The following SLC25A14 variants were observed in gnomAD, a reference collection of about 807,000 sequenced individuals.
The protein encoded by SLC25A14 is solute carrier family 25 member 14.
SLC25A14 carries 8 observed loss-of-function variants against 28.1 expected under a neutral mutation model. The ratio of observed to expected loss-of-function variants is 0.28; its 90% CI spans 0.17 to 0.51. SLC25A14 has a LOEUF of 0.51. Among genes scored for constraint, SLC25A14 ranks in the 20% least tolerant of loss-of-function variants. The pLI, the probability that SLC25A14 is intolerant of heterozygous loss-of-function variation, is 0.97. For missense variants in SLC25A14, 135 were observed against 263.8 expected, an observed-to-expected ratio of 0.51 and a Z score of 3.38; for synonymous variants, 74 against 90.6, an observed-to-expected ratio of 0.82 and a Z score of 1.04.
intron 9 of SLC25A14, among the ~76,000 whole-genome samples, chrX:130,369,203 G>C (rs1208818283): frequency 5.4e-5 from 6 of 111,081 alleles, no homozygotes; most frequent in Non-Finnish European, 1.1e-4. Flanking sequence ...AGGATCGCTT[G>C]AGCCAGAGTT....
Position 130,373,036 on chromosome X carries a change from G to GT in SLC25A14, c.*87dup. On this transcript the variant is annotated 3_prime_UTR_variant, in exon 11 of 11. Coordinates refer to ENST00000545805, the MANE Select transcript of SLC25A14 (RefSeq NM_001282195.2). ...TGTTCTAATGTATTTTGACAATGTTGTAAGTGTTTACCAAGCCGTTGGTCT... is the reference window on the plus strand; with the variant it reads ...TGTTCTAATGTATTTTGACAATGTTGTTAAGTGTTTACCAAGCCGTTGGTCT... The GT allele has an allele frequency of 1.3e-6, 1 of 756,843 alleles. No homozygotes were observed. Among genetic ancestry groups the GT allele is most frequent in the Non-Finnish European group, 2.0e-6 (1 of 507,800 alleles). 62.4% of individuals were successfully genotyped at this position (756,843 alleles called of 1,213,427 possible). A position where few individuals can be genotyped will look rare whatever the true frequency, so the allele number is the denominator to read the frequency against.
chrX:130,371,423 G>A, intron 9 of SLC25A14, 141 bp from the exon 10 acceptor site: 1 of 445,279 alleles, frequency 2.2e-6, no homozygotes, highest in Non-Finnish European at 4.0e-6. Flanking sequence ...GATGGATTTA[G>A]ACTACAGATG....
At position 130,349,277 on chromosome X, in the gene SLC25A14, C is replaced by T. The variant is rs1293806308; in HGVS notation, c.344C>T (p.Ala115Val). The change falls in exon 5 of 11, where the codon GCA (alanine) becomes GTA (valine). Residue 115 changes from alanine to valine, a missense_variant. Ala to Val is a moderately conservative substitution (Grantham distance 64). Transcript: ENST00000545805. ...ATTGCTCCTGCGTTGCTAAGACAAG[C>T]ATCATATGGCACCATTAAAATTGGG... ...SGIAPALLRQ[A>V]SYGTIKIGIY... The T allele has an allele frequency of 8.4e-7, 1 of 1,191,183 alleles. No individual in the cohort carries two copies. Among genetic ancestry groups the T allele is most frequent in the Non-Finnish European group, 1.1e-6 (1 of 882,968 alleles).
At chrX:130,349,092 G>A (rs1456988539) in intron 4 of SLC25A14, among the ~76,000 whole-genome samples, 159 bp from the exon 5 acceptor site, 1 of 109,498 alleles carries the variant, frequency 9.1e-6, no homozygotes, top group Non-Finnish European at 1.9e-5. Flanking sequence ...TTATGACCCA[G>A]AATGTTCAGT....
rs1389468368 is a variant in SLC25A14 at position 130,340,482 on chromosome X, T to C, written c.75+129T>C. 3 of 677,023 alleles carry C rather than the reference T, an allele frequency of 4.4e-6. No individual in the cohort carries two copies. The African/African-American group carries it at 6.5e-5, about 15-fold the overall frequency. 55.8% of individuals were successfully genotyped at this position (677,023 alleles called of 1,213,427 possible). The stretch of plus-strand genomic sequence containing the variant: ...TCTATTAAAATGCAGTTCAGTTACT[T>C]GATTGGCATGACAGCTGTTATCAAC... On this transcript the variant is annotated intron_variant, in intron 2 of 10. Transcript: ENST00000545805.
chrX:130,347,373 C>T (rs1239735714), intron 4 of SLC25A14, among the ~76,000 whole-genome samples: 2 of 112,002 alleles, frequency 1.8e-5, no homozygotes, highest in Admixed American at 1.9e-4. Context: ...ATTTGTGGAT[C>T]ATCTGTTTCA....
intron 7 of SLC25A14, among the ~76,000 whole-genome samples, chrX:130,360,465 C>A (rs184302991): frequency 9.9e-5 from 11 of 111,190 alleles, no homozygotes; most frequent in Non-Finnish European, 1.9e-4. Flanking sequence ...CCAGATCTCG[C>A]CATTGTAAAA....
chrX:130,350,999 G>A (rs899423686), intron 6 of SLC25A14, among the ~76,000 whole-genome samples: 13 of 111,563 alleles, frequency 1.2e-4, no homozygotes, highest in African/African-American at 4.2e-4. Flanking sequence ...ATTATGATAT[G>A]TGTTAATCCA....
intron 8 of SLC25A14, 44 bp from the exon 9 acceptor site, chrX:130,365,497 A>G: frequency 2.5e-6 from 3 of 1,206,084 alleles, no homozygotes; most frequent in Non-Finnish European, 3.4e-6. Flanking sequence ...TTAAGTGGGC[A>G]GGGAGTGAAA....
chrX:130,372,334 T>C (rs1343838551), intron 10 of SLC25A14, among the ~76,000 whole-genome samples: 1 of 111,694 alleles, frequency 9.0e-6, no homozygotes, highest in African/African-American at 3.3e-5. Flanking sequence ...TGTTTCCCCC[T>C]GAAGACTATA....
Position 130,345,304 on chromosome X carries a change from A to G in SLC25A14, c.169+29A>G, listed in dbSNP as rs12557093. On this transcript the variant is annotated intron_variant, in intron 3 of 10. Coordinates refer to ENST00000545805, the MANE Select transcript of SLC25A14 (RefSeq NM_001282195.2). ...AGAATGTGAGAAATGACAAATCTGC[A>G]TTATACGGTATAGATGGTAGCTTAT... 5.2e-4 allele frequency: 466 copies of G among 895,605 alleles called. 3 individuals are homozygous for G. The Admixed American group carries it at 0.01, about 19-fold the overall frequency. The allele number at this position is 895,605 out of a possible 1,213,427, so 73.8% of individuals were successfully genotyped here.
intron 9 of SLC25A14, among the ~76,000 whole-genome samples, chrX:130,366,950 A>G (rs2034133587): frequency 8.9e-6 from 1 of 112,129 alleles, no homozygotes; most frequent in Non-Finnish European, 1.9e-5. Flanking sequence ...GAAGACTACT[A>G]AGGGGATAAG....
chrX:130,345,111 A>G (rs895566384), intron 2 of SLC25A14, 71 bp from the exon 3 acceptor site: 1 of 751,120 alleles, frequency 1.3e-6, no homozygotes, highest in Non-Finnish European at 2.0e-6. Context: ...TTGTTTATCT[A>G]AATTATATGA....
chrX:130,345,257 T>G lies in SLC25A14; in HGVS notation c.151T>G (p.Ser51Ala). 1 of 1,184,608 alleles carries G rather than the reference T, an allele frequency of 8.4e-7. No individual in the cohort carries two copies. Among genetic ancestry groups the G allele is most frequent in the Non-Finnish European group, 1.1e-6 (1 of 870,689 alleles). The change falls in exon 3 of 11, where the codon TCT becomes GCT. Residue 51 changes from serine (S) to alanine (A), a missense_variant. Coordinates refer to ENST00000545805, the MANE Select transcript of SLC25A14 (RefSeq NM_001282195.2). ...ACCCTTTGTATATGGCGGCCTTGCC[T>G]CTATCGTGGCTGAGTTTGGTAAGAA... ...WKPFVYGGLA[S>A]IVAEFGTFPV... is the part of the protein sequence containing the mutation.
rs2033596910 is a variant in SLC25A14, at chrX:130,350,636, C to T, written c.413-10C>T. 9.0e-7 allele frequency: 1 copy of T among 1,112,739 alleles called. No homozygotes were observed. The highest frequency in any genetic ancestry group is 1.2e-6 in the Non-Finnish European group (1 of 818,685). The allele number at this position is 1,112,739 out of a possible 1,213,427, so 91.7% of individuals were successfully genotyped here. On this transcript the variant is annotated splice_polypyrimidine_tract_variant and intron_variant, in intron 5 of 10. Coordinates refer to ENST00000545805, the MANE Select transcript of SLC25A14 (RefSeq NM_001282195.2). ...CAAGCAGACCTTTCTTTTTCTTTTCCTTTTCACAGATGAAACTCTTTTAAT... is the reference window on the plus strand; with the variant it reads ...CAAGCAGACCTTTCTTTTTCTTTTCTTTTTCACAGATGAAACTCTTTTAAT...
chrX:130,361,627 C>T (rs1603264128), intron 7 of SLC25A14, among the ~76,000 whole-genome samples: 1 of 112,042 alleles, frequency 8.9e-6, no homozygotes, highest in East Asian at 2.8e-4. Context: ...ATAGCACGAG[C>T]ACAATAACAA....
intron 2 of SLC25A14, 130 bp downstream of exon 2, chrX:130,340,483 G>A: frequency 5.9e-6 from 4 of 680,994 alleles, no homozygotes. Flanking sequence ...TCAGTTACTT[G>A]ATTGGCATGA....
chrX:130,365,776 G>T, intron 9 of SLC25A14, 100 bp downstream of exon 9: 1 of 590,548 alleles, frequency 1.7e-6, no homozygotes, highest in East Asian at 3.6e-5. Flanking sequence ...TTTTGAAGAT[G>T]AAAGAATCAT....
At chrX:130,367,319 G>A (rs1306712349) in intron 9 of SLC25A14, among the ~76,000 whole-genome samples, 1 of 111,707 alleles carries the variant, frequency 9.0e-6, no homozygotes. Flanking sequence ...GTGGAGGGGT[G>A]TGGGAGAAAA....
Sources: allele counts gnomAD v4.1 joint callset (sites outside exome capture counted in the v4.1 genomes callset), GRCh38; gene constraint gnomAD v4.1.1; transcripts MANE v1.5; gene names NCBI Gene and HGNC (gene_info 2026-07-23, HGNC 2026-07-21).